SDK1: variants seen among roughly 807,000 people sequenced by gnomAD.
The protein encoded by SDK1 is protein sidekick-1.
Under a neutral mutation model 245.5 loss-of-function variants are expected in SDK1, and 157 were observed. The ratio of observed to expected loss-of-function variants is 0.64; its 90% CI spans 0.56 to 0.73. The LOEUF is 0.73. Ranked by LOEUF, SDK1 falls within the 30% of genes least tolerant of loss-of-function variation. The probability of loss-of-function intolerance (pLI) is 0.00; values close to 1 mark genes in which losing one functional copy is unlikely to be tolerated. For missense variants in SDK1, 3,583 were observed against 3,002.3 expected, an observed-to-expected ratio of 1.19 and a Z score of -4.52; for synonymous variants, 1,647 against 1,278.5, an observed-to-expected ratio of 1.29 and a Z score of -6.15.
chr7:3,508,683 T>G (rs1469434852), intron 1 of SDK1, among the ~76,000 whole-genome samples: 1 of 152,198 alleles, frequency 6.6e-6, no homozygotes, highest in Non-Finnish European at 1.5e-5. Context: ...AAGAGACCTT[T>G]CCTGATTCTT....
At chr7:3,497,802 A>G (rs886211958) in intron 1 of SDK1, among the ~76,000 whole-genome samples, 3 of 152,202 alleles carry the variant, frequency 2.0e-5, no homozygotes, top group Admixed American at 2.0e-4. Context: ...AACGCACACA[A>G]TAATTTGACA....
chr7:3,472,245 T>G (rs1302907426), intron 1 of SDK1, among the ~76,000 whole-genome samples: 1 of 152,220 alleles, frequency 6.6e-6, no homozygotes, highest in Non-Finnish European at 1.5e-5. Flanking sequence ...CCATAGTGCT[T>G]TTATAATTTT....
chr7:3,618,624 G>A (rs996424710), intron 1 of SDK1, among the ~76,000 whole-genome samples: 1 of 152,184 alleles, frequency 6.6e-6, no homozygotes, highest in African/African-American at 2.4e-5. Flanking sequence ...GCTAGGTTGC[G>A]ATTCATGTCG....
intron 1 of SDK1, among the ~76,000 whole-genome samples, chr7:3,546,290 G>A (rs1030304242): frequency 3.3e-5 from 5 of 152,218 alleles, no homozygotes; most frequent in African/African-American, 7.2e-5. Context: ...AAGCATGGGT[G>A]TGAATCCTCC....
At position 4,266,237 on chromosome 7, in the gene SDK1, T is replaced by G. The variant is rs1388937080; in HGVS notation, c.*853T>G. 36 of 985,316 alleles carry G rather than the reference T, an allele frequency of 3.7e-5. No individual in the cohort carries two copies. The highest frequency in any genetic ancestry group is 4.2e-5 in the Non-Finnish European group (35 of 829,910). The allele number at this position is 985,316 out of a possible 1,614,324, so 61.0% of individuals were successfully genotyped here. ...TTGCTTGTTACGTAGGAAGCGTGCATTGTTAACCAGAGTATTTTTAAAATC... is the reference window on the plus strand; with the variant it reads ...TTGCTTGTTACGTAGGAAGCGTGCAGTGTTAACCAGAGTATTTTTAAAATC... On this transcript the variant is annotated 3_prime_UTR_variant, in exon 45 of 45. Coordinates refer to ENST00000404826, the MANE Select transcript of SDK1 (RefSeq NM_152744.4).
At chr7:3,450,768 T>C (rs1424672151) in intron 1 of SDK1, among the ~76,000 whole-genome samples, 1 of 152,034 alleles carries the variant, frequency 6.6e-6, no homozygotes, top group African/African-American at 2.4e-5. Flanking sequence ...ATTTTAGTCA[T>C]GGGAGTATAT....
intron 2 of SDK1, among the ~76,000 whole-genome samples, chr7:3,621,775 A>C (rs1332944133): frequency 6.6e-6 from 1 of 152,186 alleles, no homozygotes; most frequent in South Asian, 2.1e-4. Context: ...AGTAATATCA[A>C]AGTTCCCACT....
chr7:4,052,828 C>T (rs1778954986), intron 19 of SDK1, among the ~76,000 whole-genome samples: 1 of 152,108 alleles, frequency 6.6e-6, no homozygotes, highest in South Asian at 2.1e-4. Context: ...GTGGTTCATG[C>T]CTGTAATCCC....
chr7:3,535,216 G>T lies in SDK1; in HGVS notation c.299-83864G>T, dbSNP rs373286287. 2.0e-5 allele frequency among the ~76,000 whole-genome samples: 3 copies of T among 152,210 alleles called. No individual in the cohort carries two copies. In the East Asian group the frequency reaches 5.8e-4, roughly 29 times the overall value. Reference sequence around the variant, plus strand: ...GCTTGAACCCAGGAGGCGGAGGTTGGAGTGAGCCAAGATCACATCATTGCA... The same window carrying T: ...GCTTGAACCCAGGAGGCGGAGGTTGTAGTGAGCCAAGATCACATCATTGCA... On this transcript the variant is annotated intron_variant, in intron 1 of 44. Transcript: ENST00000404826.
intron 5 of SDK1, among the ~76,000 whole-genome samples, chr7:3,854,893 G>A (rs1780506941): frequency 6.6e-6 from 1 of 152,202 alleles, no homozygotes; most frequent in Non-Finnish European, 1.5e-5. Context: ...ACCTACAAAA[G>A]ATGGGACGAA....
intron 1 of SDK1, among the ~76,000 whole-genome samples, chr7:3,340,819 G>T (rs1364873506): frequency 6.6e-6 from 1 of 150,488 alleles, no homozygotes; most frequent in Middle Eastern, 3.2e-3. Flanking sequence ...ATAAAACAAG[G>T]TATACTGTAA....
intron 1 of SDK1, among the ~76,000 whole-genome samples, chr7:3,461,094 A>G (rs1780818178): frequency 1.3e-5 from 2 of 152,064 alleles, no homozygotes; most frequent in South Asian, 2.1e-4. Context: ...TTTGATTCTC[A>G]TATATGATGG....
At chr7:4,249,884 A>T (rs1162261880) in intron 44 of SDK1, among the ~76,000 whole-genome samples, 4 of 152,166 alleles carry the variant, frequency 2.6e-5, no homozygotes, top group Non-Finnish European at 5.9e-5. Context: ...CCTAACTCAC[A>T]TGTCATACAA....
intron 4 of SDK1, among the ~76,000 whole-genome samples, chr7:3,677,380 G>A (rs1395572641): frequency 6.6e-6 from 1 of 152,180 alleles, no homozygotes. Flanking sequence ...GAGTTTTAAT[G>A]GACTCACAGT....
intron 4 of SDK1, among the ~76,000 whole-genome samples, chr7:3,765,910 T>G (rs538647192): frequency 6.6e-6 from 1 of 152,312 alleles, no homozygotes; most frequent in East Asian, 1.9e-4. Flanking sequence ...ACTACCTCCT[T>G]AGATCATGTT....
intron 35 of SDK1, among the ~76,000 whole-genome samples, chr7:4,194,262 A>G (rs182254762): frequency 6.7e-6 from 1 of 150,258 alleles, no homozygotes; most frequent in East Asian, 1.9e-4. Flanking sequence ...GTATGCACGT[A>G]TGTGTATACA....
chr7:4,241,925 G>T lies in SDK1; in HGVS notation c.6251+12G>T. ...AAGAACGGGACCAGGTAGGCAGGCAGTGCTGTGCTGCGCCCACCTGGGGAT... is the reference window on the plus strand; with the variant it reads ...AAGAACGGGACCAGGTAGGCAGGCATTGCTGTGCTGCGCCCACCTGGGGAT... On this transcript the variant is annotated intron_variant, in intron 43 of 44. Transcript: ENST00000404826. 1 of 1,611,418 alleles carries T rather than the reference G, an allele frequency of 6.2e-7. No homozygotes were observed. Among genetic ancestry groups the T allele is most frequent in the Non-Finnish European group, 8.5e-7 (1 of 1,179,970 alleles).
chr7:3,650,477 T>C (rs1003646671), intron 4 of SDK1, among the ~76,000 whole-genome samples: 1 of 152,230 alleles, frequency 6.6e-6, no homozygotes, highest in African/African-American at 2.4e-5. Context: ...CACCTATTTT[T>C]AATTAAACGT....
intron 1 of SDK1, among the ~76,000 whole-genome samples, chr7:3,447,050 G>A (rs947563990): frequency 2.6e-5 from 4 of 152,138 alleles, no homozygotes; most frequent in African/African-American, 9.7e-5. Flanking sequence ...GCAAGGGACC[G>A]ATTATAGAGC....
Sources: allele counts gnomAD v4.1 joint callset (sites outside exome capture counted in the v4.1 genomes callset), GRCh38; gene constraint gnomAD v4.1.1; transcripts MANE v1.5; gene names NCBI Gene and HGNC (gene_info 2026-07-23, HGNC 2026-07-21).